The following NKAIN2 variants were observed in gnomAD, a reference collection of about 807,000 sequenced individuals.
NKAIN2 encodes sodium/potassium transporting ATPase interacting 2, also known as sodium/potassium-transporting ATPase subunit beta-1-interacting protein 2.
Under a neutral mutation model 32.6 loss-of-function variants are expected in NKAIN2, and 14 were observed. The observed-to-expected ratio is 0.43, with a 90% CI of 0.28 to 0.67. NKAIN2 has a LOEUF of 0.67. Among genes scored for constraint, NKAIN2 ranks in the 30% least tolerant of loss-of-function variants. The pLI is 0.17. For synonymous variants in NKAIN2, 80 were observed against 87.2 expected, an observed-to-expected ratio of 0.92 and a Z score of 0.46; for missense variants, 198 against 258.3, an observed-to-expected ratio of 0.77 and a Z score of 1.60.
intron 3 of NKAIN2, among the ~76,000 whole-genome samples, chr6:124,371,154 T>C (rs1444253648): frequency 1.3e-5 from 2 of 152,162 alleles, no homozygotes; most frequent in Non-Finnish European, 2.9e-5. Context: ...CAACTGAATA[T>C]TATTTTCTCT....
Position 123,854,645 on chromosome 6 carries a change from C to T in NKAIN2, c.54+50391C>T, listed in dbSNP as rs548921758. Among the ~76,000 whole-genome samples, 22 of 152,214 alleles carry T rather than the reference C, an allele frequency of 1.4e-4. No individual in the cohort carries two copies. The South Asian group carries it at 2.3e-3, about 16-fold the overall frequency. Reference sequence around the variant, plus strand: ...ACCCTACAAAGTTCTCATCAATATCCAAATTTACAGACAAGTAAGATTAGC... The same window carrying T: ...ACCCTACAAAGTTCTCATCAATATCTAAATTTACAGACAAGTAAGATTAGC... On this transcript the variant is annotated intron_variant, in intron 1 of 6. Transcript: ENST00000368417.
At chr6:124,028,972 C>G (rs1280635805) in intron 1 of NKAIN2, among the ~76,000 whole-genome samples, 1 of 144,632 alleles carries the variant, frequency 6.9e-6, no homozygotes, top group Non-Finnish European at 1.5e-5. Context: ...CAGACTTGTT[C>G]AAAGCAACCA....
intron 4 of NKAIN2, among the ~76,000 whole-genome samples, chr6:124,719,026 T>C (rs1327548118): frequency 6.6e-6 from 1 of 152,208 alleles, no homozygotes; most frequent in African/African-American, 2.4e-5. Flanking sequence ...ATAATACTTA[T>C]GAGTTTAAAT....
chr6:123,963,128 A>ATG (rs1232111519), intron 1 of NKAIN2, among the ~76,000 whole-genome samples: 2 of 152,192 alleles, frequency 1.3e-5, no homozygotes, highest in East Asian at 3.9e-4. Context: ...CAGTCACCTT[A>ATG]TGTAACACTA....
chr6:124,699,983 T>G (rs1272662885), intron 4 of NKAIN2, among the ~76,000 whole-genome samples: 2 of 152,172 alleles, frequency 1.3e-5, no homozygotes, highest in African/African-American at 2.4e-5. Flanking sequence ...CAATTACATT[T>G]CCTTTTCTTT....
At chr6:124,488,855 T>G (rs1431242456) in intron 3 of NKAIN2, among the ~76,000 whole-genome samples, 1 of 151,960 alleles carries the variant, frequency 6.6e-6, no homozygotes, top group Non-Finnish European at 1.5e-5. Flanking sequence ...ATTGAGTATG[T>G]GATGGTTTCC....
chr6:124,693,243 A>T (rs1477907182), intron 4 of NKAIN2, among the ~76,000 whole-genome samples: 1 of 152,204 alleles, frequency 6.6e-6, no homozygotes, highest in Non-Finnish European at 1.5e-5. Flanking sequence ...AGGTTTAGAC[A>T]TGTTTAGATA....
intron 4 of NKAIN2, among the ~76,000 whole-genome samples, chr6:124,788,914 G>A (rs943235902): frequency 6.6e-6 from 1 of 152,084 alleles, no homozygotes; most frequent in Non-Finnish European, 1.5e-5. Flanking sequence ...CAGAGTTTAT[G>A]AATCTTGGTT....
rs565221599 is a variant in NKAIN2, at chr6:124,530,359, A to G, written c.274-127827A>G. Among the ~76,000 whole-genome samples, 229 of 152,276 alleles carry G rather than the reference A, an allele frequency of 1.5e-3. 2 individuals carry two copies. The highest frequency in any genetic ancestry group is 5.4e-3 in the African/African-American group (223 of 41,558). On this transcript the variant is annotated intron_variant, in intron 3 of 6. Coordinates refer to ENST00000368417, the MANE Select transcript of NKAIN2 (RefSeq NM_001040214.3). ...TCGCTAAGTGGAAGTGAATCACCATAAAGGCCTTCATCCTTGTCATCTTCA... is the reference window on the plus strand; with the variant it reads ...TCGCTAAGTGGAAGTGAATCACCATGAAGGCCTTCATCCTTGTCATCTTCA...
chr6:124,301,292 G>T (rs994557469), intron 2 of NKAIN2, among the ~76,000 whole-genome samples: 7 of 152,204 alleles, frequency 4.6e-5, no homozygotes, highest in Non-Finnish European at 8.8e-5. Context: ...TGAGGTTCAG[G>T]AACTGCTGCC....
chr6:123,867,895 G>A (rs1198863001), intron 1 of NKAIN2, among the ~76,000 whole-genome samples: 1 of 143,580 alleles, frequency 7.0e-6, no homozygotes, highest in Admixed American at 7.1e-5. Context: ...TTCAGACAGA[G>A]TCTTGCTCTG....
chr6:123,988,019 G>T (rs1480304172), intron 1 of NKAIN2, among the ~76,000 whole-genome samples: 1 of 152,126 alleles, frequency 6.6e-6, no homozygotes, highest in Non-Finnish European at 1.5e-5. Flanking sequence ...ATGTTACTGG[G>T]ATTTTAAAGC....
chr6:123,815,479 T>A (rs948993345), intron 1 of NKAIN2, among the ~76,000 whole-genome samples: 1 of 152,208 alleles, frequency 6.6e-6, no homozygotes, highest in Non-Finnish European at 1.5e-5. Context: ...TAATATTGTC[T>A]TTATTTTTCA....
chr6:124,381,361 A>T (rs192922628), intron 3 of NKAIN2, among the ~76,000 whole-genome samples: 1 of 152,304 alleles, frequency 6.6e-6, no homozygotes. Flanking sequence ...GAAGTAAATC[A>T]AAACTTTTAC....
chr6:123,817,832 A>G (rs906998012), intron 1 of NKAIN2, among the ~76,000 whole-genome samples: 2 of 152,182 alleles, frequency 1.3e-5, no homozygotes, highest in Non-Finnish European at 2.9e-5. Context: ...TGAGACATAC[A>G]TTAGGAAAGG....
chr6:124,408,887 T>C (rs1562163757), intron 3 of NKAIN2, among the ~76,000 whole-genome samples: 1 of 152,230 alleles, frequency 6.6e-6, no homozygotes, highest in Non-Finnish European at 1.5e-5. Flanking sequence ...CAGTGGTTTG[T>C]AGTTCTCCTT....
At chr6:124,640,210 T>C (rs1260961308) in intron 3 of NKAIN2, among the ~76,000 whole-genome samples, 1 of 152,148 alleles carries the variant, frequency 6.6e-6, no homozygotes, top group Non-Finnish European at 1.5e-5. Context: ...GTGGGTTTCC[T>C]ATTCAGGGAC....
At chr6:124,411,567 G>T (rs1462882079) in intron 3 of NKAIN2, among the ~76,000 whole-genome samples, 3 of 152,230 alleles carry the variant, frequency 2.0e-5, no homozygotes, top group Non-Finnish European at 4.4e-5. Context: ...AGTCTGATGG[G>T]CTTCCTTTTG....
chr6:123,999,927 A>G (rs753562228), intron 1 of NKAIN2, among the ~76,000 whole-genome samples: 2 of 151,682 alleles, frequency 1.3e-5, no homozygotes, highest in Non-Finnish European at 2.9e-5. Flanking sequence ...ATTTAAGAAC[A>G]TACATCAGTG....
Sources: allele counts gnomAD v4.1 joint callset (sites outside exome capture counted in the v4.1 genomes callset), GRCh38; gene constraint gnomAD v4.1.1; transcripts MANE v1.5; gene names NCBI Gene and HGNC (gene_info 2026-07-23, HGNC 2026-07-21).